Variants in TMEM184B observed in about 807,000 individuals in gnomAD.
TMEM184B encodes transmembrane protein 184B, also known as putative MAPK-activating protein FM08.
A neutral mutation model predicts 41.8 loss-of-function variants in TMEM184B; 17 were observed. The ratio of observed to expected loss-of-function variants is 0.41; its 90% CI spans 0.28 to 0.61. The LOEUF is 0.61. Ranked by LOEUF, TMEM184B falls within the 20% of genes least tolerant of loss-of-function variation. The pLI is 0.34. For missense variants in TMEM184B, 393 were observed against 557.8 expected (o/e 0.70, Z 2.98); for synonymous variants, 240 against 229.5 (o/e 1.05, Z -0.41).
At chr22:38,217,188 C>A (rs1443128359), downstream of TMEM184B, among the ~76,000 whole-genome samples, 227 of 124,754 alleles carry the variant, frequency 1.8e-3, 1 homozygote, top group Middle Eastern at 4.0e-3. Flanking sequence ...ACAACAACAA[C>A]AAAAAAAAAA....
intron 1 of TMEM184B, among the ~76,000 whole-genome samples, chr22:38,257,276 G>T (rs1489087318): frequency 6.6e-6 from 1 of 152,038 alleles, no homozygotes; most frequent in East Asian, 1.9e-4. Context: ...CGCTTGTTAA[G>T]AATTTTAAAA....
chr22:38,262,307 G>T (rs549920552), intron 1 of TMEM184B, among the ~76,000 whole-genome samples: 1 of 152,236 alleles, frequency 6.6e-6, no homozygotes, highest in Non-Finnish European at 1.5e-5. Flanking sequence ...GAACCATTGT[G>T]TGGCTTGATC....
chr22:38,247,602 AAAAC>A (rs958767095), intron 2 of TMEM184B, among the ~76,000 whole-genome samples, 164 bp downstream of exon 2: 17 of 152,338 alleles, frequency 1.1e-4, no homozygotes, highest in Admixed American at 6.5e-4. Context: ...TCTGTCTCAA[AAAAC>A]AAACAAACAA....
chr22:38,242,724 G>A (rs541202555), intron 3 of TMEM184B, among the ~76,000 whole-genome samples: 1 of 152,338 alleles, frequency 6.6e-6, no homozygotes, highest in South Asian at 2.1e-4. Flanking sequence ...GAGCAGTGGT[G>A]CAGGGACAAG....
At chr22:38,266,465 G>A (rs999100080) in intron 1 of TMEM184B, among the ~76,000 whole-genome samples, 3 of 152,220 alleles carry the variant, frequency 2.0e-5, no homozygotes, top group Non-Finnish European at 2.9e-5. Flanking sequence ...TGGGTTTCCT[G>A]ACTCAATCCA....
chr22:38,225,101 C>T lies in TMEM184B; in HGVS notation c.788-122G>A. On this transcript the variant is annotated intron_variant, in intron 7 of 8. Coordinates refer to ENST00000361906, the MANE Select transcript of TMEM184B (RefSeq NM_012264.5). This position sits in a 1 kb window ranked among gnomAD's most constrained non-coding sequence, Gnocchi z 4.4. ...GAGGATGTGAGCAGGGCCACAGCTG[C>T]TCCTGCAGGGCAGGGGTAGCGACAC... is the stretch of plus-strand genomic sequence containing the variant. The T allele has an allele frequency of 8.6e-7, 1 of 1,169,456 alleles. No individual in the cohort carries two copies. The highest frequency in any genetic ancestry group is 1.2e-6 in the Non-Finnish European group (1 of 857,314). 72.4% of individuals were successfully genotyped at this position (1,169,456 alleles called of 1,614,324 possible). A position where few individuals can be genotyped will look rare whatever the true frequency, so the allele number is the denominator to read the frequency against.
Position 38,226,993 on chromosome 22 carries a change from G to T in TMEM184B, c.526-123C>A, listed in dbSNP as rs1020029461. 15 of 994,720 alleles carry T rather than the reference G, an allele frequency of 1.5e-5. No homozygotes were observed. The highest frequency in any genetic ancestry group is 1.7e-5 in the Non-Finnish European group (11 of 664,678). 61.6% of individuals were successfully genotyped at this position (994,720 alleles called of 1,614,324 possible). ...CAGAGAGGATGAAGGAGACGGAGAG[G>T]ACGGAGGGATGGAGGGACGGAGGGG... On this transcript the variant is annotated intron_variant, in intron 5 of 8. Coordinates refer to ENST00000361906, the MANE Select transcript of TMEM184B (RefSeq NM_012264.5). This position sits in a 1 kb window ranked among gnomAD's most constrained non-coding sequence, Gnocchi z 4.6.
chr22:38,231,179 G>T (rs773455933), intron 4 of TMEM184B, 65 bp downstream of exon 4: 5 of 1,392,326 alleles, frequency 3.6e-6, no homozygotes, highest in Non-Finnish European at 5.1e-6. Flanking sequence ...GTGCCAGGAC[G>T]GCTCGAGGTA....
chr22:38,219,789 CTGGT>C lies in TMEM184B; in HGVS notation c.*1676_*1679del. The C allele has an allele frequency of 1.0e-6, 1 of 985,568 alleles. No homozygotes were observed. The highest frequency in any genetic ancestry group is 1.2e-6 in the Non-Finnish European group (1 of 830,026). 61.1% of individuals were successfully genotyped at this position (985,568 alleles called of 1,614,324 possible). A position where few individuals can be genotyped will look rare whatever the true frequency, so the allele number is the denominator to read the frequency against. On this transcript the variant is annotated 3_prime_UTR_variant, in exon 9 of 9. Transcript: ENST00000361906. ...AGCAGATGGCGGGGCAGGGCCAGGG[CTGGT>C]CCTCAGCCTGTGTCTGCACCCACCC... is the stretch of plus-strand genomic sequence containing the variant.
downstream of TMEM184B, among the ~76,000 whole-genome samples, chr22:38,218,511 TGGCTGGG>T (rs1415681906): frequency 1.2e-4 from 7 of 56,874 alleles, no homozygotes; most frequent in Non-Finnish European, 2.1e-4. Flanking sequence ...GCCAACTCTA[TGGCTGGG>T]TATGGGGCTG....
chr22:38,229,226 G>GGGCT (rs1442068754), intron 5 of TMEM184B, among the ~76,000 whole-genome samples: 2 of 152,208 alleles, frequency 1.3e-5, no homozygotes, highest in South Asian at 4.1e-4. Flanking sequence ...GAAGCTGGAG[G>GGGCT]GGCTGACATG....
At chr22:38,253,476 C>T (rs375922035) in intron 1 of TMEM184B, among the ~76,000 whole-genome samples, 1 of 151,956 alleles carries the variant, frequency 6.6e-6, no homozygotes, top group Non-Finnish European at 1.5e-5. Flanking sequence ...GAGGCTGAGG[C>T]GGGAGAATCA....
intron 3 of TMEM184B, among the ~76,000 whole-genome samples, chr22:38,244,724 G>A (rs2091986309): frequency 6.6e-6 from 1 of 152,206 alleles, no homozygotes; most frequent in Non-Finnish European, 1.5e-5. Context: ...CCAAAGTAAT[G>A]GGATTTCAGG....
chr22:38,245,392 G>A (rs1394189714), intron 3 of TMEM184B, among the ~76,000 whole-genome samples: 2 of 146,092 alleles, frequency 1.4e-5, no homozygotes, highest in East Asian at 4.0e-4. Flanking sequence ...TGCCTGAGAC[G>A]CCAGCATTGA....
intron 1 of TMEM184B, chr22:38,272,666 CG>C: frequency 1.0e-6 from 1 of 985,560 alleles, no homozygotes. Context: ...GGCACACCCA[CG>C]GGCGACCTCG....
At chr22:38,257,992 A>G (rs1221273160) in intron 1 of TMEM184B, among the ~76,000 whole-genome samples, 1 of 152,186 alleles carries the variant, frequency 6.6e-6, no homozygotes, top group Non-Finnish European at 1.5e-5. Flanking sequence ...ATCAGACAGA[A>G]AACAAATTCA....
downstream of TMEM184B, among the ~76,000 whole-genome samples, chr22:38,218,863 G>A (rs909267574): frequency 1.8e-4 from 27 of 152,196 alleles, no homozygotes; most frequent in Non-Finnish European, 2.9e-5. Flanking sequence ...GCCAGGCACT[G>A]TGCCCACAGC....
chr22:38,237,727 G>A (rs922455666), intron 3 of TMEM184B, among the ~76,000 whole-genome samples: 1 of 152,174 alleles, frequency 6.6e-6, no homozygotes, highest in Non-Finnish European at 1.5e-5. Context: ...AACCAAGGGG[G>A]CAGGGGTCTG....
intron 1 of TMEM184B, among the ~76,000 whole-genome samples, chr22:38,272,103 A>G (rs2145805471): frequency 6.6e-6 from 1 of 152,302 alleles, no homozygotes; most frequent in East Asian, 1.9e-4. Context: ...AATGCCCTGG[A>G]AAGGAGGGAG....
Sources: gnomAD v4.1 joint callset for allele counts (sites outside exome capture counted in the v4.1 genomes callset) on GRCh38, gnomAD v4.1.1 for gene constraint, Gnocchi (gnomAD v3.1) non-coding constraint, MANE v1.5 for transcripts, NCBI Gene and HGNC (gene_info 2026-07-23, HGNC 2026-07-21) for gene names.